The following MAML2 variants were observed in gnomAD, a reference collection of about 807,000 sequenced individuals.
The protein encoded by MAML2 is mastermind like transcriptional coactivator 2, also known as mastermind-like protein 2.
A neutral mutation model predicts 96.1 loss-of-function variants in MAML2; 22 were observed. That is an observed-to-expected ratio of 0.23 (90% CI 0.16 to 0.33). MAML2 has a LOEUF of 0.33. Among genes scored for constraint, MAML2 ranks in the 10% least tolerant of loss-of-function variants. The pLI, the probability that MAML2 is intolerant of heterozygous loss-of-function variation, is 1.00. For missense variants in MAML2, 1,367 were observed against 1,392.4 expected (o/e 0.98, Z 0.29); for synonymous variants, 561 against 521.3 (o/e 1.08, Z -1.04).
In MAML2 at chr11:96,040,198, C is replaced by T. The variant is rs145641241; in HGVS notation, c.2140-48475G>A. Among the ~76,000 whole-genome samples, 18 of 152,170 alleles carry T rather than the reference C, an allele frequency of 1.2e-4. No homozygotes were observed. In the East Asian group the frequency reaches 3.3e-3, roughly 28 times the overall value. On this transcript the variant is annotated intron_variant, in intron 2 of 4. Transcript: ENST00000524717. ...GACAGATAAAGCAGACATAAAAATC[C>T]TGGCATTCATAGAACTTACATCTAA...
intron 2 of MAML2, among the ~76,000 whole-genome samples, chr11:96,016,404 C>T (rs986680651): frequency 1.3e-5 from 2 of 152,160 alleles, no homozygotes; most frequent in African/African-American, 4.8e-5. Context: ...CCACAGGAAG[C>T]TCTCTGGTGG....
At chr11:96,303,084 T>C (rs1034808958) in intron 1 of MAML2, among the ~76,000 whole-genome samples, 2 of 152,222 alleles carry the variant, frequency 1.3e-5, no homozygotes, top group Non-Finnish European at 2.9e-5. Context: ...AAAATGGCCC[T>C]GACAATTTAT....
At chr11:96,037,115 G>C (rs1230267576) in intron 2 of MAML2, among the ~76,000 whole-genome samples, 1 of 151,938 alleles carries the variant, frequency 6.6e-6, no homozygotes, top group Non-Finnish European at 1.5e-5. Flanking sequence ...ATGCATTCTG[G>C]GATGTTTCTG....
chr11:96,223,241 G>A (rs1156475911), intron 1 of MAML2, among the ~76,000 whole-genome samples: 1 of 152,102 alleles, frequency 6.6e-6, no homozygotes, highest in Non-Finnish European at 1.5e-5. Flanking sequence ...AATTATGTAT[G>A]ACCTAATTTT....
intron 1 of MAML2, among the ~76,000 whole-genome samples, chr11:96,280,050 C>A (rs1411698217): frequency 6.6e-6 from 1 of 151,904 alleles, no homozygotes; most frequent in Non-Finnish European, 1.5e-5. Flanking sequence ...TTATATAGCT[C>A]CATATAGAGA....
At chr11:96,200,039 G>C (rs1276020123) in intron 1 of MAML2, among the ~76,000 whole-genome samples, 1 of 152,124 alleles carries the variant, frequency 6.6e-6, no homozygotes, top group Non-Finnish European at 1.5e-5. Context: ...GAGGGGGAGG[G>C]TGGCCAGGAA....
intron 2 of MAML2, among the ~76,000 whole-genome samples, chr11:96,034,564 C>T (rs1031896020): frequency 6.6e-6 from 1 of 151,862 alleles, no homozygotes; most frequent in Non-Finnish European, 1.5e-5. Flanking sequence ...TATAAAGCTC[C>T]ATTTCTAATG....
intron 1 of MAML2, among the ~76,000 whole-genome samples, chr11:96,256,249 C>T (rs1047805139): frequency 2.6e-5 from 4 of 152,232 alleles, no homozygotes; most frequent in East Asian, 1.9e-4. Context: ...AATTCTTAAC[C>T]GATACAGCTA....
chr11:96,142,587 A>G (rs142877848), intron 1 of MAML2, among the ~76,000 whole-genome samples: 1 of 152,360 alleles, frequency 6.6e-6, no homozygotes, highest in African/African-American at 2.4e-5. Flanking sequence ...TACATAGGCA[A>G]ACAGTATTCT....
chr11:96,101,608 C>T (rs1859932272), intron 1 of MAML2, among the ~76,000 whole-genome samples: 1 of 152,094 alleles, frequency 6.6e-6, no homozygotes, highest in African/African-American at 2.4e-5. Flanking sequence ...ACAATAATAC[C>T]CCATGTCTCA....
chr11:96,179,970 G>C (rs1861457372), intron 1 of MAML2, among the ~76,000 whole-genome samples: 1 of 152,210 alleles, frequency 6.6e-6, no homozygotes, highest in South Asian at 2.1e-4. Flanking sequence ...GAAAAGGATA[G>C]TAGGGAAAAG....
chr11:96,112,970 G>T (rs943837108), intron 1 of MAML2, among the ~76,000 whole-genome samples: 4 of 152,170 alleles, frequency 2.6e-5, no homozygotes, highest in Non-Finnish European at 5.9e-5. Flanking sequence ...TGCACTATGG[G>T]CTCTCTCTGC....
At chr11:96,067,308 A>G (rs1168657342) in intron 2 of MAML2, among the ~76,000 whole-genome samples, 1 of 152,220 alleles carries the variant, frequency 6.6e-6, no homozygotes, top group Non-Finnish European at 1.5e-5. Context: ...ACTCTTTTAA[A>G]AACAACTCTT....
intron 2 of MAML2, among the ~76,000 whole-genome samples, chr11:95,993,946 T>G (rs74486329): frequency 0.018 from 2,775 of 152,296 alleles, 43 homozygotes; most frequent in Non-Finnish European, 0.03. Flanking sequence ...AACCCAACTT[T>G]GCAGATGAGA....
chr11:96,029,278 T>C (rs994940220), intron 2 of MAML2, among the ~76,000 whole-genome samples: 1 of 152,068 alleles, frequency 6.6e-6, no homozygotes, highest in Admixed American at 6.6e-5. Context: ...TTTTAACTGG[T>C]GCTCATCTTG....
intron 1 of MAML2, among the ~76,000 whole-genome samples, chr11:96,314,013 C>T (rs1469904561): frequency 2.6e-5 from 4 of 152,146 alleles, no homozygotes; most frequent in Non-Finnish European, 5.9e-5. Flanking sequence ...GGTGTTTCTG[C>T]TTTCTAAATT....
At chr11:96,159,501 T>A (rs906364324) in intron 1 of MAML2, among the ~76,000 whole-genome samples, 1 of 39,442 alleles carries the variant, frequency 2.5e-5, no homozygotes, top group Non-Finnish European at 7.3e-5. Context: ...CCGAGATCAC[T>A]GCGAGCTCCG....
chr11:96,199,798 GACA>G (rs1861791835), intron 1 of MAML2, among the ~76,000 whole-genome samples: 1 of 152,180 alleles, frequency 6.6e-6, no homozygotes, highest in African/African-American at 2.4e-5. Flanking sequence ...GGAAAACAGT[GACA>G]ACATTAATTG....
At position 96,125,593 on chromosome 11, in the gene MAML2, G is replaced by A. The variant is rs150718917; in HGVS notation, c.514-32076C>T. The stretch of plus-strand genomic sequence containing the variant: ...TGGCACACATATTACGAAATCCTAC[G>A]TGTGTCAGTACTATCTGCCTGTTCT... On this transcript the variant is annotated intron_variant, in intron 1 of 4. Coordinates refer to ENST00000524717, the MANE Select transcript of MAML2 (RefSeq NM_032427.4). Among the ~76,000 whole-genome samples the A allele has an allele frequency of 7.4e-3, 1,125 of 152,270 alleles. 10 individuals carry two copies. The highest frequency in any genetic ancestry group is 0.01 in the Middle Eastern group (3 of 294).
Sources: allele counts gnomAD v4.1 joint callset (sites outside exome capture counted in the v4.1 genomes callset), GRCh38; gene constraint gnomAD v4.1.1; transcripts MANE v1.5; gene names NCBI Gene and HGNC (gene_info 2026-07-23, HGNC 2026-07-21).